FUT9: variants seen among roughly 807,000 people sequenced by gnomAD.
The protein encoded by FUT9 is 4-galactosyl-N-acetylglucosaminide 3-alpha-L-fucosyltransferase 9.
FUT9 carries 15 observed loss-of-function variants against 29.7 expected under a neutral mutation model. The observed-to-expected ratio is 0.51, with a 90% CI of 0.34 to 0.78. FUT9 has a LOEUF of 0.78. Among genes scored for constraint, FUT9 ranks in the 30% least tolerant of loss-of-function variants. The pLI is 0.01. For synonymous variants in FUT9, 169 were observed against 153.7 expected (o/e 1.10, Z -0.74); for missense variants, 319 against 425.4 (o/e 0.75, Z 2.20).
chr6:96,187,883 A>G (rs886644640), intron 2 of FUT9, among the ~76,000 whole-genome samples: 2 of 152,168 alleles, frequency 1.3e-5, no homozygotes, highest in Non-Finnish European at 2.9e-5. Context: ...AAAGCAGCAC[A>G]TAAGGAATTT....
chr6:96,062,958 T>C (rs1278377308), intron 1 of FUT9, among the ~76,000 whole-genome samples: 1 of 152,170 alleles, frequency 6.6e-6, no homozygotes, highest in African/African-American at 2.4e-5. Flanking sequence ...ACTTACTTTC[T>C]GAGGAAACAG....
chr6:96,095,040 G>T lies in FUT9; in HGVS notation c.-97-18999G>T, dbSNP rs557329789. Among the ~76,000 whole-genome samples the T allele has an allele frequency of 1.1e-3, 164 of 152,050 alleles. 3 individuals carry two copies. The South Asian group carries it at 0.033, about 31-fold the overall frequency. ...TGCTTCTGCTCAGGCTCTTCTTTTG[G>T]CCTGGAACACCTACGTCCTCTTCGT... is the stretch of plus-strand genomic sequence containing the variant. On this transcript the variant is annotated intron_variant, in intron 1 of 2. Transcript: ENST00000302103.
intron 2 of FUT9, among the ~76,000 whole-genome samples, chr6:96,185,736 T>G (rs1356583292): frequency 6.6e-6 from 1 of 152,144 alleles, no homozygotes; most frequent in Non-Finnish European, 1.5e-5. Context: ...ATGTTCTCTT[T>G]GATGTATTCT....
At chr6:96,186,186 G>A (rs1000943911) in intron 2 of FUT9, among the ~76,000 whole-genome samples, 7 of 151,628 alleles carry the variant, frequency 4.6e-5, no homozygotes, top group Non-Finnish European at 8.8e-5. Context: ...TATTTCTTAG[G>A]CTGTTGACAT....
chr6:96,074,847 G>T (rs2127948707), intron 1 of FUT9, among the ~76,000 whole-genome samples: 1 of 152,164 alleles, frequency 6.6e-6, no homozygotes, highest in Non-Finnish European at 1.5e-5. Context: ...TATGAACACA[G>T]CTCACTTCAT....
intron 2 of FUT9, among the ~76,000 whole-genome samples, chr6:96,143,889 A>G (rs552625413): frequency 2.6e-4 from 38 of 149,016 alleles, no homozygotes; most frequent in Middle Eastern, 3.5e-3. Flanking sequence ...GCCCTTGCTT[A>G]TTCCACACCA....
chr6:96,081,122 A>C, intron 1 of FUT9, among the ~76,000 whole-genome samples: 1 of 151,990 alleles, frequency 6.6e-6, no homozygotes, highest in Non-Finnish European at 1.5e-5. Context: ...TATCTGTAAA[A>C]TATTTCATGA....
At chr6:96,107,052 C>T (rs151265803) in intron 1 of FUT9, among the ~76,000 whole-genome samples, 4 of 152,298 alleles carry the variant, frequency 2.6e-5, no homozygotes, top group African/African-American at 9.6e-5. Context: ...GAATTTGCCT[C>T]CTGGCCTACA....
At chr6:96,171,858 G>A (rs935308822) in intron 2 of FUT9, among the ~76,000 whole-genome samples, 2 of 152,106 alleles carry the variant, frequency 1.3e-5, no homozygotes, top group South Asian at 2.1e-4. Context: ...CATCCTACCC[G>A]CATCTTGAAT....
At chr6:96,188,515 C>A (rs932218073) in intron 2 of FUT9, among the ~76,000 whole-genome samples, 55 of 152,146 alleles carry the variant, frequency 3.6e-4, no homozygotes, top group African/African-American at 1.3e-3. Context: ...AAGATGTACA[C>A]CAGTTTCCTC....
intron 1 of FUT9, among the ~76,000 whole-genome samples, chr6:96,108,221 C>A (rs763589174): frequency 3.9e-5 from 6 of 152,056 alleles, no homozygotes; most frequent in Non-Finnish European, 7.4e-5. Context: ...GGAAAATTTT[C>A]TTTTCCATGT....
At chr6:96,069,921 G>T (rs921347653) in intron 1 of FUT9, among the ~76,000 whole-genome samples, 6 of 151,706 alleles carry the variant, frequency 4.0e-5, no homozygotes, top group Non-Finnish European at 4.4e-5. Context: ...GTGAGCCACC[G>T]CACCCAGCTA....
At chr6:96,041,184 A>G (rs1770453538) in intron 1 of FUT9, among the ~76,000 whole-genome samples, 2 of 151,554 alleles carry the variant, frequency 1.3e-5, no homozygotes, top group African/African-American at 4.9e-5. Flanking sequence ...TAGACTGCCA[A>G]CTTCTTGAGG....
chr6:96,119,078 A>G (rs1017178296), intron 2 of FUT9, among the ~76,000 whole-genome samples: 1 of 152,176 alleles, frequency 6.6e-6, no homozygotes. Flanking sequence ...CTGAAGACAG[A>G]AAAACCTTTT....
At chr6:96,196,910 G>A (rs1481416783) in intron 2 of FUT9, among the ~76,000 whole-genome samples, 2 of 152,104 alleles carry the variant, frequency 1.3e-5, no homozygotes, top group African/African-American at 4.8e-5. Context: ...AAAGATGGGT[G>A]AAAGTTGTAG....
chr6:96,119,406 C>G (rs899648085), intron 2 of FUT9, among the ~76,000 whole-genome samples: 2 of 152,140 alleles, frequency 1.3e-5, no homozygotes, highest in Non-Finnish European at 2.9e-5. Context: ...CAGGCAATAC[C>G]ATCTAGGTTT....
At chr6:96,167,602 C>T (rs1773037119) in intron 2 of FUT9, among the ~76,000 whole-genome samples, 1 of 152,216 alleles carries the variant, frequency 6.6e-6, no homozygotes, top group South Asian at 2.1e-4. Context: ...GGATTTCTGT[C>T]CTCTTGTAGT....
At chr6:96,130,140 T>TTG (rs1772214696) in intron 2 of FUT9, among the ~76,000 whole-genome samples, 1 of 152,024 alleles carries the variant, frequency 6.6e-6, no homozygotes, top group Non-Finnish European at 1.5e-5. Flanking sequence ...AACTTTATAT[T>TTG]TGAAAAGTAC....
At chr6:96,087,187 A>G (rs905584930) in intron 1 of FUT9, among the ~76,000 whole-genome samples, 4 of 152,028 alleles carry the variant, frequency 2.6e-5, no homozygotes, top group East Asian at 3.9e-4. Flanking sequence ...TTATTGGAAT[A>G]TTTTTGTTAT....
Sources: allele counts gnomAD v4.1 joint callset (sites outside exome capture counted in the v4.1 genomes callset), GRCh38; gene constraint gnomAD v4.1.1; transcripts MANE v1.5; gene names NCBI Gene and HGNC (gene_info 2026-07-23, HGNC 2026-07-21).